Variants in MYO16 observed in about 807,000 individuals in gnomAD.
MYO16 encodes the protein myosin XVI, also known as unconventional myosin-XVI.
MYO16 carries 94 observed loss-of-function variants against 205.3 expected under a neutral mutation model. The observed-to-expected ratio is 0.46, with a 90% CI of 0.39 to 0.54. The LOEUF (loss-of-function observed/expected upper bound fraction) is 0.54. Ranked by LOEUF, MYO16 falls within the 20% of genes least tolerant of loss-of-function variation. The pLI is 0.00. For synonymous variants in MYO16, 988 were observed against 954.0 expected (o/e 1.04, Z -0.66); for missense variants, 2,315 against 2,387.5 (o/e 0.97, Z 0.63).
In MYO16 at chr13:108,954,646, G is replaced by A. The variant is rs369854688; in HGVS notation, c.1926-3042G>A. ...GATCCCAGCTATTCGGGAGGCTGAG[G>A]TGGGAGGGTCACTTGTGCCTGGGAG... On this transcript the variant is annotated intron_variant, in intron 16 of 34. Coordinates refer to ENST00000457511, the MANE Select transcript of MYO16 (RefSeq NM_001198950.3). 2.4e-4 allele frequency among the ~76,000 whole-genome samples: 36 copies of A among 152,272 alleles called. 1 individual carries two copies. In the South Asian group the frequency reaches 6.6e-3, roughly 28 times the overall value.
intron 4 of MYO16, among the ~76,000 whole-genome samples, chr13:108,741,242 G>T (rs779731431): frequency 1.4e-4 from 21 of 152,178 alleles, no homozygotes; most frequent in African/African-American, 3.6e-4. Flanking sequence ...GGGAGCTGTA[G>T]ACTGGAGCTG....
At chr13:108,703,114 T>C (rs1280196310) in intron 2 of MYO16, among the ~76,000 whole-genome samples, 1 of 134,132 alleles carries the variant, frequency 7.5e-6, no homozygotes, top group Non-Finnish European at 1.6e-5. Flanking sequence ...ATGGATTTAA[T>C]ACTCAAAAGG....
intron 4 of MYO16, among the ~76,000 whole-genome samples, chr13:108,736,392 A>G (rs1370040596): frequency 6.6e-6 from 1 of 152,172 alleles, no homozygotes; most frequent in Admixed American, 6.5e-5. Flanking sequence ...ACCATTTATT[A>G]AATAGGGAAT....
Position 108,956,481 on chromosome 13 carries a change from G to A in MYO16, c.1926-1207G>A, listed in dbSNP as rs144540724. Among the ~76,000 whole-genome samples, 500 of 151,766 alleles carry A rather than the reference G, an allele frequency of 3.3e-3. 4 individuals are homozygous for A. The highest frequency in any genetic ancestry group is 0.014 in the Middle Eastern group (4 of 294). On this transcript the variant is annotated intron_variant, in intron 16 of 34. Transcript: ENST00000457511. ...GATCATGCCACTTCTTTGTTGCAAGGCCCTCAGAGCTGCCTGTCACTTCCA... is the reference window on the plus strand; with the variant it reads ...GATCATGCCACTTCTTTGTTGCAAGACCCTCAGAGCTGCCTGTCACTTCCA...
intron 12 of MYO16, among the ~76,000 whole-genome samples, chr13:108,875,702 C>T (rs1879290713): frequency 6.6e-6 from 1 of 151,810 alleles, no homozygotes; most frequent in African/African-American, 2.4e-5. Context: ...ATTTAAAAAC[C>T]CTAGCCAGCT....
chr13:108,560,592 A>T, the MYO16 span, among the ~76,000 whole-genome samples: 2 of 152,162 alleles, frequency 1.3e-5, 1 homozygote, highest in Non-Finnish European at 2.9e-5. Context: ...CACTCATTTA[A>T]ATTTGGATAT....
chr13:109,111,681 G>T (rs1396903895), intron 28 of MYO16, among the ~76,000 whole-genome samples: 3 of 150,954 alleles, frequency 2.0e-5, no homozygotes, highest in African/African-American at 7.4e-5. Context: ...ATATTCCAAT[G>T]ATTGTAGACT....
chr13:109,044,064 A>G (rs1720522580), intron 23 of MYO16, among the ~76,000 whole-genome samples: 1 of 152,164 alleles, frequency 6.6e-6, no homozygotes, highest in Non-Finnish European at 1.5e-5. Flanking sequence ...GGCAGATGCA[A>G]ATGATACCGA....
At chr13:108,659,117 T>A (rs545697429) in intron 1 of MYO16, among the ~76,000 whole-genome samples, 4 of 151,154 alleles carry the variant, frequency 2.6e-5, no homozygotes, top group Admixed American at 2.6e-4. Context: ...TCTAGTTAGT[T>A]ATAACATAAT....
At chr13:108,995,465 T>C (rs1308260432) in intron 21 of MYO16, among the ~76,000 whole-genome samples, 3 of 152,096 alleles carry the variant, frequency 2.0e-5, no homozygotes, top group Non-Finnish European at 4.4e-5. Flanking sequence ...ATACTTTAAG[T>C]TTTAGGGTAC....
At chr13:108,611,972 CTTTTTTTTTTTT>C (rs201871787) in intron 1 of MYO16, among the ~76,000 whole-genome samples, 2 of 89,758 alleles carry the variant, frequency 2.2e-5, no homozygotes, top group African/African-American at 8.8e-5. Flanking sequence ...TTTTTTTTTT[CTTTTTTTTTTTT>C]TTTTTTTTTG....
chr13:108,729,991 G>T (rs920246166), intron 4 of MYO16, among the ~76,000 whole-genome samples: 1 of 152,168 alleles, frequency 6.6e-6, no homozygotes, highest in Admixed American at 6.5e-5. Context: ...AAGCAAAATA[G>T]CTCATAAAAT....
chr13:108,650,577 A>C (rs184388237), intron 1 of MYO16, among the ~76,000 whole-genome samples: 2 of 152,358 alleles, frequency 1.3e-5, no homozygotes, highest in East Asian at 3.9e-4. Context: ...TTGAGGGTTC[A>C]AAAATGTATA....
At position 108,921,437 on chromosome 13, in the gene MYO16, T is replaced by C. The variant is rs537895448; in HGVS notation, c.1925+11287T>C. 8.5e-5 allele frequency among the ~76,000 whole-genome samples: 13 copies of C among 152,334 alleles called. No homozygotes were observed. The South Asian group carries it at 1.0e-3, about 12-fold the overall frequency. ...GATACATAAAATGCTCTCTTATCAG[T>C]GTGTTCCATATGCACTCCCCATCTT... On this transcript the variant is annotated intron_variant, in intron 16 of 34. Transcript: ENST00000457511.
chr13:108,785,846 T>C (rs1886442854), intron 5 of MYO16, 103 bp downstream of exon 5: 4 of 710,060 alleles, frequency 5.6e-6, no homozygotes, highest in Non-Finnish European at 9.4e-6. Flanking sequence ...ATGGATGTAG[T>C]TTCCGCACGT....
At chr13:108,994,408 T>C (rs1441591607) in intron 21 of MYO16, among the ~76,000 whole-genome samples, 1 of 152,152 alleles carries the variant, frequency 6.6e-6, no homozygotes, top group African/African-American at 2.4e-5. Flanking sequence ...TTTAGAAGAA[T>C]AAAATTATTT....
intron 27 of MYO16, among the ~76,000 whole-genome samples, chr13:109,084,025 T>G (rs1888361859): frequency 1.3e-5 from 2 of 152,222 alleles, no homozygotes; most frequent in African/African-American, 4.8e-5. Context: ...TTACTGAAGT[T>G]AATCCACTCA....
chr13:108,627,847 T>C (rs537609459), upstream of MYO16, among the ~76,000 whole-genome samples: 2 of 152,322 alleles, frequency 1.3e-5, no homozygotes, highest in Admixed American at 6.5e-5. Context: ...TGCAGAGGCA[T>C]GCAATTTGCA....
In MYO16 at chr13:108,918,290, C is replaced by T. The variant is rs545322456; in HGVS notation, c.1925+8140C>T. ...TACAACGTCATTAAGATGGTGTATTCACATAATAAACACATAAATAAACGT... is the reference window on the plus strand; with the variant it reads ...TACAACGTCATTAAGATGGTGTATTTACATAATAAACACATAAATAAACGT... On this transcript the variant is annotated intron_variant, in intron 16 of 34. Coordinates refer to ENST00000457511, the MANE Select transcript of MYO16 (RefSeq NM_001198950.3). Among the ~76,000 whole-genome samples, 6 of 152,282 alleles carry T rather than the reference C, an allele frequency of 3.9e-5. No homozygotes were observed. The South Asian group carries it at 1.2e-3, about 32-fold the overall frequency.
Sources: gnomAD v4.1 joint callset for allele counts (sites outside exome capture counted in the v4.1 genomes callset) on GRCh38, gnomAD v4.1.1 for gene constraint, MANE v1.5 for transcripts, NCBI Gene and HGNC (gene_info 2026-07-23, HGNC 2026-07-21) for gene names.